Variants in CTNNA2 observed in about 807,000 individuals in gnomAD.
The protein encoded by CTNNA2 is catenin alpha 2, also known as catenin alpha-2.
A neutral mutation model predicts 101.0 loss-of-function variants in CTNNA2; 42 were observed. The ratio of observed to expected loss-of-function variants is 0.42; its 90% CI spans 0.32 to 0.54. The LOEUF (loss-of-function observed/expected upper bound fraction) is 0.54, where lower values mean the gene tolerates loss of function less well. Among genes scored for constraint, CTNNA2 ranks in the 20% least tolerant of loss-of-function variants. CTNNA2 has a pLI of 0.14. For synonymous variants in CTNNA2, 450 were observed against 456.4 expected (o/e 0.99, Z 0.18); for missense variants, 871 against 1,223.1 (o/e 0.71, Z 4.29).
intron 2 of CTNNA2, among the ~76,000 whole-genome samples, chr2:79,237,063 A>G (rs1317338856): frequency 6.6e-6 from 1 of 152,222 alleles, no homozygotes; most frequent in Non-Finnish European, 1.5e-5. Flanking sequence ...TAGTTTGCCT[A>G]GATCCATCAG....
intron 7 of CTNNA2, among the ~76,000 whole-genome samples, chr2:80,320,206 C>T (rs1400605223): frequency 6.6e-6 from 1 of 152,190 alleles, no homozygotes; most frequent in East Asian, 1.9e-4. Context: ...GATACATACA[C>T]AGTTGGTTTC....
At chr2:79,695,446 T>C (rs1684595832) in intron 2 of CTNNA2, among the ~76,000 whole-genome samples, 1 of 151,872 alleles carries the variant, frequency 6.6e-6, no homozygotes, top group East Asian at 1.9e-4. Context: ...TTGAGCAGGG[T>C]GGCTGAATAT....
intron 7 of CTNNA2, among the ~76,000 whole-genome samples, chr2:79,939,737 T>C (rs1574363301): frequency 6.6e-6 from 1 of 152,190 alleles, no homozygotes; most frequent in Non-Finnish European, 1.5e-5. Flanking sequence ...AATAATCAAT[T>C]AGAAAATATA....
At chr2:79,795,132 G>T (rs549858261) in intron 3 of CTNNA2, among the ~76,000 whole-genome samples, 1 of 152,202 alleles carries the variant, frequency 6.6e-6, no homozygotes, top group South Asian at 2.1e-4. Context: ...AAAGTCTCAG[G>T]GTCATCTAAC....
intron 3 of CTNNA2, among the ~76,000 whole-genome samples, chr2:79,751,708 A>G (rs1672059842): frequency 6.6e-6 from 1 of 151,786 alleles, no homozygotes; most frequent in South Asian, 2.1e-4. Flanking sequence ...AGAGGGAAGG[A>G]GGACAGAAGC....
At chr2:80,311,052 A>G (rs1267446681) in intron 7 of CTNNA2, among the ~76,000 whole-genome samples, 1 of 152,110 alleles carries the variant, frequency 6.6e-6, no homozygotes, top group East Asian at 1.9e-4. Flanking sequence ...CTAAAATTCA[A>G]TCACCAGAGA....
intron 9 of CTNNA2, among the ~76,000 whole-genome samples, chr2:80,440,578 T>C (rs1348997917): frequency 1.3e-5 from 2 of 152,180 alleles, no homozygotes; most frequent in African/African-American, 2.4e-5. Flanking sequence ...GAATGTTCCT[T>C]ACAGGCTTTG....
In CTNNA2 at chr2:80,303,022, G is replaced by A. The variant is rs371264259; in HGVS notation, c.1057-90189G>A. 6.2e-7 allele frequency: 1 copy of A among 1,613,840 alleles called. No individual in the cohort carries two copies. The highest frequency in any genetic ancestry group is 8.5e-7 in the Non-Finnish European group (1 of 1,180,000). On this transcript the variant is annotated intron_variant, in intron 7 of 18. Coordinates refer to ENST00000402739, the MANE Select transcript of CTNNA2 (RefSeq NM_001282597.3). The surrounding 1 kb of genome is among the most constrained non-coding windows in gnomAD (Gnocchi z 7.7). ...CATGGGGCTCCATGTACTCGATCTC[G>A]TTGCCCGACAAGTCCATTTTCTCCA...
intron 3 of CTNNA2, among the ~76,000 whole-genome samples, chr2:79,845,436 T>C (rs1399457404): frequency 6.6e-6 from 1 of 152,130 alleles, no homozygotes; most frequent in African/African-American, 2.4e-5. Context: ...AGCACACATA[T>C]AGCTATGTTC....
At chr2:79,733,838 A>C (rs1374899038) in intron 2 of CTNNA2, among the ~76,000 whole-genome samples, 1 of 152,136 alleles carries the variant, frequency 6.6e-6, no homozygotes, top group African/African-American at 2.4e-5. Context: ...TAAAGAAAGA[A>C]AATGTCAAAC....
chr2:80,623,562 A>G (rs1671368088), intron 18 of CTNNA2, among the ~76,000 whole-genome samples: 1 of 151,936 alleles, frequency 6.6e-6, no homozygotes, highest in Admixed American at 6.6e-5. Flanking sequence ...ACATCAAAGA[A>G]ATTCTTCTGA....
chr2:80,224,338 G>A (rs1340195569), intron 7 of CTNNA2, among the ~76,000 whole-genome samples: 1 of 152,172 alleles, frequency 6.6e-6, no homozygotes, highest in Non-Finnish European at 1.5e-5. Flanking sequence ...CTAAGTCTTA[G>A]AGTCGGGAAT....
At chr2:79,481,720 T>C (rs1671112197) in intron 4 of CTNNA2, among the ~76,000 whole-genome samples, 1 of 152,184 alleles carries the variant, frequency 6.6e-6, no homozygotes, top group Non-Finnish European at 1.5e-5. Flanking sequence ...GTTGTATATA[T>C]TAAATATGTG....
chr2:79,755,749 G>A (rs868633452), intron 3 of CTNNA2, among the ~76,000 whole-genome samples: 7 of 152,170 alleles, frequency 4.6e-5, no homozygotes, highest in African/African-American at 1.7e-4. Context: ...TTAATACATC[G>A]TTATCAACAT....
chr2:79,208,998 T>C (rs533084547), intron 2 of CTNNA2, among the ~76,000 whole-genome samples: 11 of 152,118 alleles, frequency 7.2e-5, no homozygotes, highest in African/African-American at 2.2e-4. Flanking sequence ...TGATAATAAA[T>C]GTAGGTAGTG....
chr2:80,205,086 T>C (rs1169650795), intron 7 of CTNNA2, among the ~76,000 whole-genome samples: 1 of 152,208 alleles, frequency 6.6e-6, no homozygotes, highest in African/African-American at 2.4e-5. Context: ...ATGTGAATTA[T>C]GTGAGCTACA....
At chr2:80,235,614 G>A (rs1709507930) in intron 7 of CTNNA2, among the ~76,000 whole-genome samples, 1 of 152,176 alleles carries the variant, frequency 6.6e-6, no homozygotes, top group Non-Finnish European at 1.5e-5. Context: ...ATTAGAAGAA[G>A]ATTGGGATCA....
Position 80,480,916 on chromosome 2 carries a change from CCCACA to C in CTNNA2, c.1290+61319_1290+61323del, listed in dbSNP as rs568267608. 3.3e-3 allele frequency among the ~76,000 whole-genome samples: 505 copies of C among 152,158 alleles called. 4 individuals carry two copies. The highest frequency in any genetic ancestry group is 0.012 in the African/African-American group (493 of 41,526). The stretch of plus-strand genomic sequence containing the variant: ...CGATAAATAAATGACTCCTAGGAAT[CCCACA>C]CCAAGGAATTCATTTACGTTCAGGT... On this transcript the variant is annotated intron_variant, in intron 9 of 18. Transcript: ENST00000402739.
At chr2:80,559,878 T>TATCTATCTATCTATATATATATATATA (rs1693393440) in intron 12 of CTNNA2, among the ~76,000 whole-genome samples, 2 of 113,934 alleles carry the variant, frequency 1.8e-5, no homozygotes, top group African/African-American at 6.1e-5. Flanking sequence ...GATATCATAT[T>TATCTATCTATCTATATATATATATATA]TATATATATA....
Sources: allele counts gnomAD v4.1 joint callset (sites outside exome capture counted in the v4.1 genomes callset), GRCh38; gene constraint gnomAD v4.1.1; non-coding constraint Gnocchi (gnomAD v3.1); transcripts MANE v1.5; gene names NCBI Gene and HGNC (gene_info 2026-07-23, HGNC 2026-07-21).